LRRTM4: variants seen among roughly 807,000 people sequenced by gnomAD.
The protein encoded by LRRTM4 is leucine-rich repeat transmembrane neuronal protein 4.
LRRTM4 carries 25 observed loss-of-function variants against 47.6 expected under a neutral mutation model. The ratio of observed to expected loss-of-function variants is 0.53; its 90% CI spans 0.38 to 0.73. The LOEUF (loss-of-function observed/expected upper bound fraction) is 0.73, where lower values mean the gene tolerates loss of function less well. Among genes scored for constraint, LRRTM4 ranks in the 30% least tolerant of loss-of-function variants. The probability of loss-of-function intolerance (pLI) is 0.00; values close to 1 mark genes in which losing one functional copy is unlikely to be tolerated. For synonymous variants in LRRTM4, 311 were observed against 269.5 expected (o/e 1.15, Z -1.51); for missense variants, 638 against 713.4 (o/e 0.89, Z 1.20).
At chr2:77,179,953 T>G (rs1299884346) in intron 3 of LRRTM4, among the ~76,000 whole-genome samples, 1 of 152,116 alleles carries the variant, frequency 6.6e-6, no homozygotes, top group Non-Finnish European at 1.5e-5. Flanking sequence ...GAATTCAATG[T>G]TTTTCTTTTA....
intron 3 of LRRTM4, among the ~76,000 whole-genome samples, chr2:77,177,089 G>C (rs1673217618): frequency 6.6e-6 from 1 of 152,160 alleles, no homozygotes; most frequent in Non-Finnish European, 1.5e-5. Context: ...ATATGATCAA[G>C]AAATAACCAC....
intron 3 of LRRTM4, among the ~76,000 whole-genome samples, chr2:77,191,692 A>G (rs13422634): frequency 0.11 from 17,291 of 152,008 alleles, 2,627 homozygotes; most frequent in African/African-American, 0.35. Flanking sequence ...GCTGACTTAG[A>G]AAGAAGTAAA....
chr2:77,002,315 G>A (rs1244661829), intron 3 of LRRTM4, among the ~76,000 whole-genome samples: 1 of 152,122 alleles, frequency 6.6e-6, no homozygotes, highest in African/African-American at 2.4e-5. Context: ...ATTTCTAAAA[G>A]AGAAGCTGGA....
intron 3 of LRRTM4, among the ~76,000 whole-genome samples, chr2:77,099,208 T>C (rs886702717): frequency 2.0e-5 from 3 of 151,992 alleles, no homozygotes; most frequent in Non-Finnish European, 4.4e-5. Context: ...AATTATCATA[T>C]ACAAAGTACT....
intron 3 of LRRTM4, among the ~76,000 whole-genome samples, chr2:76,758,366 G>T (rs768959101): frequency 2.0e-5 from 3 of 152,086 alleles, no homozygotes; most frequent in Non-Finnish European, 4.4e-5. Flanking sequence ...ATATCCCATG[G>T]TAAAAGTTTA....
chr2:77,512,055 T>C (rs1679036826), intron 3 of LRRTM4, among the ~76,000 whole-genome samples: 1 of 152,164 alleles, frequency 6.6e-6, no homozygotes, highest in African/African-American at 2.4e-5. Flanking sequence ...ACTTTTGGCC[T>C]TCAGCGATCT....
At chr2:76,913,152 C>T (rs767674868) in intron 3 of LRRTM4, among the ~76,000 whole-genome samples, 1 of 152,118 alleles carries the variant, frequency 6.6e-6, no homozygotes, top group Non-Finnish European at 1.5e-5. Context: ...ATCTGTCTTT[C>T]CTGCTTTGCT....
chr2:77,421,674 T>G (rs1374537452), intron 3 of LRRTM4, among the ~76,000 whole-genome samples: 1 of 151,610 alleles, frequency 6.6e-6, no homozygotes, highest in Non-Finnish European at 1.5e-5. Context: ...ACCACTGCAC[T>G]CCAGCCTGGG....
intron 3 of LRRTM4, among the ~76,000 whole-genome samples, chr2:77,080,313 C>T (rs984018755): frequency 1.3e-5 from 2 of 152,172 alleles, no homozygotes; most frequent in Admixed American, 1.3e-4. Flanking sequence ...CTCATGTTAA[C>T]TGTCAGTTTC....
At chr2:77,269,493 A>C (rs1334696434) in intron 3 of LRRTM4, among the ~76,000 whole-genome samples, 1 of 152,206 alleles carries the variant, frequency 6.6e-6, no homozygotes, top group East Asian at 1.9e-4. Context: ...GATTTAACAC[A>C]ATAGATTATA....
intron 3 of LRRTM4, among the ~76,000 whole-genome samples, chr2:77,145,413 T>G (rs1272931811): frequency 6.6e-6 from 1 of 152,020 alleles, no homozygotes; most frequent in East Asian, 1.9e-4. Context: ...AAGCAGTGAA[T>G]GAAATACAGA....
intron 3 of LRRTM4, among the ~76,000 whole-genome samples, chr2:77,466,614 C>T (rs753433830): frequency 6.6e-6 from 1 of 151,848 alleles, no homozygotes; most frequent in Non-Finnish European, 1.5e-5. Flanking sequence ...AGATGCCAAC[C>T]CAATAAAATT....
intron 3 of LRRTM4, among the ~76,000 whole-genome samples, chr2:76,903,040 G>C (rs1326181740): frequency 6.6e-6 from 1 of 151,910 alleles, no homozygotes; most frequent in Non-Finnish European, 1.5e-5. Context: ...AATATATGTT[G>C]AACTGTTTCA....
At chr2:76,950,540 T>C (rs1464666046) in intron 3 of LRRTM4, among the ~76,000 whole-genome samples, 2 of 151,842 alleles carry the variant, frequency 1.3e-5, no homozygotes, top group Non-Finnish European at 2.9e-5. Flanking sequence ...TAGGAAAAAA[T>C]GTGTCCTCTG....
intron 3 of LRRTM4, among the ~76,000 whole-genome samples, chr2:77,272,336 A>G (rs964636158): frequency 1.3e-5 from 2 of 152,312 alleles, no homozygotes; most frequent in Admixed American, 1.3e-4. Flanking sequence ...ATGAATCACT[A>G]AAAATTAATT....
At position 76,772,641 on chromosome 2, in the gene LRRTM4, G is replaced by A. The variant is rs187428070; in HGVS notation, c.1552-23725C>T. On this transcript the variant is annotated intron_variant, in intron 3 of 3. Transcript: ENST00000409884. ...CATTAACTTAGAAAACTTACAATTT[G>A]AATTTCTTTCTCCACTCCTTTGAGG... is the stretch of plus-strand genomic sequence containing the variant. Among the ~76,000 whole-genome samples the A allele has an allele frequency of 7.8e-4, 118 of 152,168 alleles. 2 individuals are homozygous for A. In the South Asian group the frequency reaches 0.021, roughly 27 times the overall value.
At chr2:77,157,012 A>C (rs1334017176) in intron 3 of LRRTM4, among the ~76,000 whole-genome samples, 1 of 152,148 alleles carries the variant, frequency 6.6e-6, no homozygotes, top group Non-Finnish European at 1.5e-5. Flanking sequence ...GTTATCAAAC[A>C]GTAATAACAA....
At chr2:77,239,691 G>A (rs183335052) in intron 3 of LRRTM4, among the ~76,000 whole-genome samples, 165 of 151,890 alleles carry the variant, frequency 1.1e-3, no homozygotes, top group African/African-American at 3.7e-3. Context: ...GCAGAATGAC[G>A]AAGAGTTCAA....
chr2:77,249,373 G>A (rs955756320), intron 3 of LRRTM4, among the ~76,000 whole-genome samples: 3 of 151,614 alleles, frequency 2.0e-5, no homozygotes, highest in Non-Finnish European at 4.4e-5. Flanking sequence ...TAAATAAAAT[G>A]AAATAAATTT....
Sources: gnomAD v4.1 joint callset for allele counts (sites outside exome capture counted in the v4.1 genomes callset) on GRCh38, gnomAD v4.1.1 for gene constraint, MANE v1.5 for transcripts, NCBI Gene and HGNC (gene_info 2026-07-23, HGNC 2026-07-21) for gene names.